KALRN: variants seen among roughly 807,000 people sequenced by gnomAD.
KALRN encodes the protein kalirin RhoGEF kinase, also known as kalirin.
KALRN carries 70 observed loss-of-function variants against 353.7 expected under a neutral mutation model. That is an observed-to-expected ratio of 0.20 (90% CI 0.16 to 0.24). The LOEUF is 0.24. Among genes scored for constraint, KALRN ranks in the 10% least tolerant of loss-of-function variants. The pLI, the probability that KALRN is intolerant of heterozygous loss-of-function variation, is 1.00. For missense variants in KALRN, 2,791 were observed against 3,756.7 expected, an observed-to-expected ratio of 0.74 and a Z score of 6.72; for synonymous variants, 1,391 against 1,434.8, an observed-to-expected ratio of 0.97 and a Z score of 0.69.
At chr3:124,144,668 C>T (rs772637729) in intron 1 of KALRN, among the ~76,000 whole-genome samples, 38 of 151,604 alleles carry the variant, frequency 2.5e-4, no homozygotes, top group Non-Finnish European at 5.3e-4. Context: ...CTTCCTCTTC[C>T]TCATCCTCCT....
At chr3:124,588,438 G>A (rs1324782771) in intron 34 of KALRN, among the ~76,000 whole-genome samples, 2 of 152,122 alleles carry the variant, frequency 1.3e-5, no homozygotes, top group Non-Finnish European at 2.9e-5. Context: ...ACTTAATTTT[G>A]TTTTGAGATG....
intron 1 of KALRN, among the ~76,000 whole-genome samples, chr3:124,053,148 C>T (rs746528150): frequency 6.6e-6 from 1 of 152,158 alleles, no homozygotes; most frequent in South Asian, 2.1e-4. Flanking sequence ...GGGATCCTTG[C>T]ACCTCAGCCT....
chr3:124,050,297 C>T (rs1026578131), intron 1 of KALRN, among the ~76,000 whole-genome samples: 3 of 152,248 alleles, frequency 2.0e-5, no homozygotes, highest in Non-Finnish European at 4.4e-5. Flanking sequence ...TTTGCCCAGT[C>T]ACTGAATGAG....
At chr3:124,107,409 C>T (rs2062410306) in intron 1 of KALRN, among the ~76,000 whole-genome samples, 1 of 152,102 alleles carries the variant, frequency 6.6e-6, no homozygotes, top group Admixed American at 6.5e-5. Flanking sequence ...ATTAAGACTA[C>T]AATCTCCCAT....
intron 33 of KALRN, among the ~76,000 whole-genome samples, chr3:124,510,437 T>C (rs1485383763): frequency 6.6e-6 from 1 of 152,174 alleles, no homozygotes. Context: ...ACTGGAATGA[T>C]TGGCTGAGTC....
At chr3:124,068,949 G>A (rs2042604478) in intron 1 of KALRN, among the ~76,000 whole-genome samples, 1 of 152,184 alleles carries the variant, frequency 6.6e-6, no homozygotes, top group South Asian at 2.1e-4. Context: ...CCTGCATTGA[G>A]ACTGAAGACT....
rs1404743327 is a variant in KALRN at position 124,720,935 on chromosome 3, G to T, written c.*1465G>T. The T allele has an allele frequency of 2.6e-5, 4 of 152,178 alleles. No individual in the cohort carries two copies. The highest frequency in any genetic ancestry group is 9.6e-5 in the African/African-American group (4 of 41,454). The allele number at this position is 152,178 out of a possible 1,614,324, so 9.4% of individuals were successfully genotyped here. ...TTGAAAATTGCGATTATACAAGTAA[G>T]ATTTTAAAAATGTAACTCAAGTGTT... On this transcript the variant is annotated 3_prime_UTR_variant, in exon 60 of 60. Transcript: ENST00000682506.
At chr3:124,125,976 G>A (rs2064613142) in intron 1 of KALRN, among the ~76,000 whole-genome samples, 3 of 152,130 alleles carry the variant, frequency 2.0e-5, no homozygotes, top group Admixed American at 6.5e-5. Flanking sequence ...AAAAGGAGGT[G>A]ACTCTACCAC....
At chr3:124,213,244 A>G (rs2077045312) in intron 1 of KALRN, among the ~76,000 whole-genome samples, 1 of 152,122 alleles carries the variant, frequency 6.6e-6, no homozygotes, top group African/African-American at 2.4e-5. Context: ...TGAAGTTGTC[A>G]GGATTAACTG....
chr3:124,289,113 G>T lies in KALRN; in HGVS notation c.970-9678G>T, dbSNP rs1283836919. Among the ~76,000 whole-genome samples the T allele has an allele frequency of 2.6e-5, 4 of 152,170 alleles. No individual in the cohort carries two copies. In the East Asian group the frequency reaches 7.7e-4, roughly 29 times the overall value. On this transcript the variant is annotated intron_variant, in intron 5 of 59. Coordinates refer to ENST00000682506, the MANE Select transcript of KALRN (RefSeq NM_001388419.1). ...AACATGGCAGAAGGCACCACATGTT[G>T]AGACAGGGCAAGTGTGCTAGCTCAG... is the stretch of plus-strand genomic sequence containing the variant.
chr3:124,683,394 G>T lies in KALRN; in HGVS notation c.7377+3877G>T, dbSNP rs2061425773. ...GGCAGGTTTCCACCTTTGAAAAGTT[G>T]TCTGAGAACTGTGTCAATGCTCACT... is the stretch of plus-strand genomic sequence containing the variant. On this transcript the variant is annotated intron_variant, in intron 51 of 59. Coordinates refer to ENST00000682506, the MANE Select transcript of KALRN (RefSeq NM_001388419.1). Among the ~76,000 whole-genome samples the T allele has an allele frequency of 2.0e-5, 3 of 152,206 alleles. No individual in the cohort carries two copies. In the South Asian group the frequency reaches 6.2e-4, roughly 32 times the overall value.
chr3:124,037,764 G>A (rs2039565627), intron 1 of KALRN, among the ~76,000 whole-genome samples: 1 of 152,070 alleles, frequency 6.6e-6, no homozygotes, highest in Admixed American at 6.6e-5. Context: ...TCTAGTGATG[G>A]GGGAGAGGAA....
At chr3:124,264,314 T>C (rs1034534818) in intron 3 of KALRN, among the ~76,000 whole-genome samples, 184 bp from the exon 4 acceptor site, 1 of 152,238 alleles carries the variant, frequency 6.6e-6, no homozygotes. Flanking sequence ...ATTGGTCAGA[T>C]GTAGAAAGGG....
At chr3:124,657,146 C>G (rs990561411) in intron 39 of KALRN, among the ~76,000 whole-genome samples, 1 of 152,070 alleles carries the variant, frequency 6.6e-6, no homozygotes, top group African/African-American at 2.4e-5. Flanking sequence ...TAGTTCTGAG[C>G]CTTTATAGAC....
intron 1 of KALRN, among the ~76,000 whole-genome samples, chr3:124,059,902 A>C (rs769857360): frequency 6.6e-6 from 1 of 152,212 alleles, no homozygotes; most frequent in Non-Finnish European, 1.5e-5. Flanking sequence ...CATAGCCCCT[A>C]TGAATTTTCT....
intron 1 of KALRN, among the ~76,000 whole-genome samples, chr3:124,188,817 G>A (rs2150288032): frequency 6.6e-6 from 1 of 152,270 alleles, no homozygotes; most frequent in East Asian, 1.9e-4. Context: ...CAGCAAAGCA[G>A]GCAGCATGAA....
intron 5 of KALRN, among the ~76,000 whole-genome samples, chr3:124,275,333 G>A (rs905915519): frequency 6.6e-6 from 1 of 152,004 alleles, no homozygotes; most frequent in Non-Finnish European, 1.5e-5. Context: ...AAATATCTAA[G>A]CCCTTTTACA....
At chr3:124,628,624 A>C (rs2080377451) in intron 34 of KALRN, among the ~76,000 whole-genome samples, 1 of 149,422 alleles carries the variant, frequency 6.7e-6, no homozygotes, top group Non-Finnish European at 1.5e-5. Flanking sequence ...TGACCAGGCT[A>C]AAGTGCAGTG....
chr3:124,363,718 G>A (rs1017272367), intron 10 of KALRN, among the ~76,000 whole-genome samples: 1 of 152,196 alleles, frequency 6.6e-6, no homozygotes, highest in Non-Finnish European at 1.5e-5. Context: ...AACTCTTGAT[G>A]CCCTGGGCTT....
Sources: gnomAD v4.1 joint callset for allele counts (sites outside exome capture counted in the v4.1 genomes callset) on GRCh38, gnomAD v4.1.1 for gene constraint, MANE v1.5 for transcripts, NCBI Gene and HGNC (gene_info 2026-07-23, HGNC 2026-07-21) for gene names.